VDR: variants seen among roughly 807,000 people sequenced by gnomAD.
VDR encodes vitamin D3 receptor.
VDR carries 19 observed loss-of-function variants against 39.7 expected under a neutral mutation model. That is an observed-to-expected ratio of 0.48 (90% CI 0.33 to 0.70). The LOEUF (loss-of-function observed/expected upper bound fraction) is 0.70. Among genes scored for constraint, VDR ranks in the 30% least tolerant of loss-of-function variants. The pLI is 0.02. For missense variants in VDR, 442 were observed against 570.5 expected (o/e 0.77, Z 2.29); for synonymous variants, 242 against 215.8 (o/e 1.12, Z -1.07).
chr12:47,863,430 G>A (rs892297594), intron 4 of VDR, among the ~76,000 whole-genome samples: 4 of 152,200 alleles, frequency 2.6e-5, no homozygotes, highest in South Asian at 4.1e-4. Flanking sequence ...GTGGAACCTC[G>A]TGCCAGTCTT....
At chr12:47,850,542 C>T (rs1209986533) in intron 7 of VDR, among the ~76,000 whole-genome samples, 2 of 152,152 alleles carry the variant, frequency 1.3e-5, no homozygotes, top group South Asian at 2.1e-4. Context: ...ATCCAGACAT[C>T]CTGCTGCTAG....
At chr12:47,878,270 C>T (rs1946048392) in intron 3 of VDR, among the ~76,000 whole-genome samples, 1 of 152,196 alleles carries the variant, frequency 6.6e-6, no homozygotes, top group African/African-American at 2.4e-5. Flanking sequence ...CCAGTTCCTG[C>T]CCCAATTCAT....
chr12:47,847,922 C>T lies in VDR; in HGVS notation c.756-1114G>A, dbSNP rs552248617. Reference sequence around the variant, plus strand: ...CACGCCTAGCTAATTTTTTTTGAGACGGAGTCTCACTTTGTCGCCCAGGCT... The same window carrying T: ...CACGCCTAGCTAATTTTTTTTGAGATGGAGTCTCACTTTGTCGCCCAGGCT... On this transcript the variant is annotated intron_variant, in intron 7 of 9. Transcript: ENST00000549336. 3.8e-4 allele frequency among the ~76,000 whole-genome samples: 58 copies of T among 151,888 alleles called. No individual in the cohort carries two copies. In the South Asian group the frequency reaches 9.2e-3, roughly 24 times the overall value.
chr12:47,876,320 C>T (rs1946002473), intron 3 of VDR, among the ~76,000 whole-genome samples: 1 of 152,172 alleles, frequency 6.6e-6, no homozygotes, highest in African/African-American at 2.4e-5. Context: ...CAGTGACCTT[C>T]CCTCAAGTTT....
At chr12:47,872,880 C>G (rs763621761) in intron 3 of VDR, among the ~76,000 whole-genome samples, 8 of 152,220 alleles carry the variant, frequency 5.3e-5, no homozygotes, top group Non-Finnish European at 1.2e-4. Context: ...ATTTTACATA[C>G]TATCTCCAAT....
rs1162881183 is a variant in VDR, at chr12:47,848,555, CTTTTTTTTTTTTTTT to C, written c.756-1762_756-1748del. Among the ~76,000 whole-genome samples, 8 of 58,162 alleles carry C rather than the reference CTTTTTTTTTTTTTTT, an allele frequency of 1.4e-4. No individual in the cohort carries two copies. In the South Asian group the frequency reaches 5.9e-3, roughly 43 times the overall value. 38.2% of individuals were successfully genotyped at this position (58,162 alleles called of 152,430 possible). A position where few individuals can be genotyped will look rare whatever the true frequency, so the allele number is the denominator to read the frequency against. ...CTCTTTACATGCTTGTTTTCTACTCCTTTTTTTTTTTTTTTTTTTTTTTTTTTTTGAGACAGAGTC... is the reference window on the plus strand; with the variant it reads ...CTCTTTACATGCTTGTTTTCTACTCCTTTTTTTTTTTTTTGAGACAGAGTC... On this transcript the variant is annotated intron_variant, in intron 7 of 9. Coordinates refer to ENST00000549336, the MANE Select transcript of VDR (RefSeq NM_000376.3).
In VDR at chr12:47,859,866, T is replaced by TTTCCTTCCTTCC. The variant is rs760043388; in HGVS notation, c.278-2190_278-2179dup. Among the ~76,000 whole-genome samples the TTTCCTTCCTTCC allele has an allele frequency of 8.3e-4, 42 of 50,586 alleles. 1 individual carries two copies. The highest frequency in any genetic ancestry group is 4.2e-3 in the East Asian group (9 of 2,134). 33.2% of individuals were successfully genotyped at this position (50,586 alleles called of 152,430 possible). On this transcript the variant is annotated intron_variant, in intron 4 of 9. Transcript: ENST00000549336. ...CCTTCCTTCCTTCCTTCCTTCCTTC[T>TTTCCTTCCTTCC]TTCCTTCCTTCCTTCCTTCCTTCCT... is the stretch of plus-strand genomic sequence containing the variant.
At chr12:47,848,395 T>A (rs1246358292) in intron 7 of VDR, among the ~76,000 whole-genome samples, 1 of 151,680 alleles carries the variant, frequency 6.6e-6, no homozygotes, top group Non-Finnish European at 1.5e-5. Flanking sequence ...TCCATTTTGT[T>A]TTTCTGGTCC....
intron 4 of VDR, among the ~76,000 whole-genome samples, chr12:47,864,390 C>A (rs1043919431): frequency 1.3e-5 from 2 of 152,220 alleles, no homozygotes; most frequent in African/African-American, 2.4e-5. Flanking sequence ...ACAGGAAGTC[C>A]TATAGAATCA....
At chr12:47,854,426 G>T (rs992324647) in intron 7 of VDR, among the ~76,000 whole-genome samples, 1 of 152,118 alleles carries the variant, frequency 6.6e-6, no homozygotes, top group Non-Finnish European at 1.5e-5. Flanking sequence ...GCCCAGCCAG[G>T]AAATGGTCTT....
At chr12:47,881,138 CT>C (rs1946143795) in intron 2 of VDR, among the ~76,000 whole-genome samples, 1 of 149,678 alleles carries the variant, frequency 6.7e-6, no homozygotes, top group African/African-American at 2.5e-5. Context: ...ATATACTGTC[CT>C]TTTTACACAC....
intron 7 of VDR, among the ~76,000 whole-genome samples, chr12:47,855,058 G>C (rs746759061): frequency 6.6e-6 from 1 of 151,884 alleles, no homozygotes; most frequent in Non-Finnish European, 1.5e-5. Flanking sequence ...GGCAGGGCGC[G>C]ATGGCTCATG....
intron 3 of VDR, among the ~76,000 whole-genome samples, chr12:47,871,781 T>A (rs1440579044): frequency 1.3e-5 from 2 of 152,188 alleles, no homozygotes; most frequent in Non-Finnish European, 2.9e-5. Flanking sequence ...TGGTTTCTTA[T>A]CTCACAGAAC....
At chr12:47,878,719 A>G in intron 3 of VDR, 1 of 629,492 alleles carries the variant, frequency 1.6e-6, no homozygotes, top group Non-Finnish European at 2.9e-6. Context: ...GCGTAATGGA[A>G]AGACAGAGAC....
At chr12:47,849,695 C>T (rs1430821776) in intron 7 of VDR, among the ~76,000 whole-genome samples, 1 of 152,204 alleles carries the variant, frequency 6.6e-6, no homozygotes, top group African/African-American at 2.4e-5. Flanking sequence ...CAAAAATGAA[C>T]ACCATCCCCA....
At chr12:47,856,049 G>C (rs1246161324) in intron 6 of VDR, among the ~76,000 whole-genome samples, 2 of 152,258 alleles carry the variant, frequency 1.3e-5, no homozygotes, top group Non-Finnish European at 2.9e-5. Context: ...CAAGCAGACT[G>C]TGTGCTGTTC....
At chr12:47,883,935 G>A (rs1946207793) in intron 1 of VDR, among the ~76,000 whole-genome samples, 1 of 152,232 alleles carries the variant, frequency 6.6e-6, no homozygotes, top group Non-Finnish European at 1.5e-5. Flanking sequence ...GATAACCTAA[G>A]CTGGGCTGGC....
chr12:47,844,558 G>A lies in VDR; in HGVS notation c.*188C>T. 1.3e-6 allele frequency: 1 copy of A among 785,892 alleles called. No individual in the cohort carries two copies. The highest frequency in any genetic ancestry group is 2.0e-6 in the Non-Finnish European group (1 of 501,766). 48.7% of individuals were successfully genotyped at this position (785,892 alleles called of 1,614,324 possible). A position where few individuals can be genotyped will look rare whatever the true frequency, so the allele number is the denominator to read the frequency against. ...ATGGCTGAGGTCTCAAGGGACCGGG[G>A]AAAAGCCCGCAGGAAAGGGGTTAGG... is the stretch of plus-strand genomic sequence containing the variant. On this transcript the variant is annotated 3_prime_UTR_variant, in exon 10 of 10. Coordinates refer to ENST00000549336, the MANE Select transcript of VDR (RefSeq NM_000376.3).
At chr12:47,877,797 G>T (rs928309118) in intron 3 of VDR, among the ~76,000 whole-genome samples, 3 of 152,214 alleles carry the variant, frequency 2.0e-5, no homozygotes, top group African/African-American at 4.8e-5. Context: ...GATGCTGCTT[G>T]TCTGGTTCCC....
Sources: gnomAD v4.1 joint callset for allele counts (sites outside exome capture counted in the v4.1 genomes callset) on GRCh38, gnomAD v4.1.1 for gene constraint, MANE v1.5 for transcripts, NCBI Gene and HGNC (gene_info 2026-07-23, HGNC 2026-07-21) for gene names.